The following ZNF366 variants were observed in gnomAD, a reference collection of about 807,000 sequenced individuals.
ZNF366 encodes the protein dendritic cell-specific transcript protein.
A neutral mutation model predicts 47.2 loss-of-function variants in ZNF366; 20 were observed. That is an observed-to-expected ratio of 0.42 (90% CI 0.30 to 0.62). ZNF366 has a LOEUF of 0.62. Among genes scored for constraint, ZNF366 ranks in the 20% least tolerant of loss-of-function variants. The pLI is 0.16. For missense variants in ZNF366, 987 were observed against 976.3 expected (o/e 1.01, Z -0.15); for synonymous variants, 421 against 395.1 (o/e 1.07, Z -0.78).
chr5:72,447,807 G>A (rs941073722), intron 3 of ZNF366, among the ~76,000 whole-genome samples: 2 of 152,156 alleles, frequency 1.3e-5, no homozygotes, highest in African/African-American at 4.8e-5. Context: ...ATTGTTCTAA[G>A]TCTACCATGG....
intron 1 of ZNF366, among the ~76,000 whole-genome samples, chr5:72,495,238 A>G (rs1744089272): frequency 6.6e-6 from 1 of 152,156 alleles, no homozygotes; most frequent in African/African-American, 2.4e-5. Flanking sequence ...TCCTGGTCCC[A>G]TGAGTAGGGG....
intron 4 of ZNF366, among the ~76,000 whole-genome samples, 173 bp from the exon 5 acceptor site, chr5:72,444,464 G>A (rs1299450639): frequency 6.6e-6 from 1 of 152,136 alleles, no homozygotes; most frequent in Non-Finnish European, 1.5e-5. Context: ...TGTCCAAATC[G>A]GTTTAATCCC....
At position 72,473,421 on chromosome 5, in the gene ZNF366, CAA is replaced by C. The variant is rs535366858; in HGVS notation, c.-14-11913_-14-11912del. 6.6e-5 allele frequency among the ~76,000 whole-genome samples: 10 copies of C among 152,312 alleles called. No individual in the cohort carries two copies. In the South Asian group the frequency reaches 1.9e-3, roughly 28 times the overall value. ...CACAATCCTTATCTGATATATAGAG[CAA>C]ATCAAATGTCAATTCCTCTACCTGA... On this transcript the variant is annotated intron_variant, in intron 1 of 4. Transcript: ENST00000318442.
At chr5:72,484,292 G>A (rs1312438250) in intron 1 of ZNF366, among the ~76,000 whole-genome samples, 1 of 151,422 alleles carries the variant, frequency 6.6e-6, no homozygotes, top group African/African-American at 2.4e-5. Flanking sequence ...AGACCATCCC[G>A]GCTAAAACGG....
Position 72,440,243 on chromosome 5 carries a change from C to T in ZNF366, c.*3513G>A, listed in dbSNP as rs767373401. On this transcript the variant is annotated 3_prime_UTR_variant, in exon 5 of 5. Coordinates refer to ENST00000318442, the MANE Select transcript of ZNF366 (RefSeq NM_152625.3). Reference sequence around the variant, plus strand: ...CACATTGAGCTTTCTCATGCAACTACTCATATACAAATATACCAGTTACTC... The same window carrying T: ...CACATTGAGCTTTCTCATGCAACTATTCATATACAAATATACCAGTTACTC... The T allele has an allele frequency of 1.3e-4, 20 of 152,184 alleles. No individual in the cohort carries two copies. Among genetic ancestry groups the T allele is most frequent in the Admixed American group, 3.3e-4 (5 of 15,282 alleles). 9.4% of individuals were successfully genotyped at this position (152,184 alleles called of 1,614,324 possible).
intron 1 of ZNF366, among the ~76,000 whole-genome samples, chr5:72,479,835 G>A (rs1234299829): frequency 2.0e-5 from 3 of 152,226 alleles, no homozygotes; most frequent in Non-Finnish European, 4.4e-5. Flanking sequence ...CAGCTTAGAT[G>A]ACTGGAAGGT....
intron 1 of ZNF366, among the ~76,000 whole-genome samples, chr5:72,501,074 AGAT>A (rs771368021): frequency 7.9e-5 from 12 of 152,218 alleles, no homozygotes; most frequent in Non-Finnish European, 1.5e-4. Context: ...TTCAGCTCTA[AGAT>A]GAGGAGAATA....
intron 2 of ZNF366, among the ~76,000 whole-genome samples, chr5:72,456,822 T>C (rs1223057230): frequency 6.6e-6 from 1 of 152,168 alleles, no homozygotes; most frequent in Non-Finnish European, 1.5e-5. Flanking sequence ...AGCCAGACTA[T>C]TAGAGGAAAA....
At chr5:72,461,743 T>G (rs368448333) in intron 1 of ZNF366, among the ~76,000 whole-genome samples, 1 of 152,138 alleles carries the variant, frequency 6.6e-6, no homozygotes, top group Admixed American at 6.5e-5. Context: ...CTGAATCAAA[T>G]TGGGCTCCAG....
chr5:72,490,830 C>T (rs1014442912), intron 1 of ZNF366, among the ~76,000 whole-genome samples: 2 of 152,184 alleles, frequency 1.3e-5, no homozygotes, highest in Non-Finnish European at 2.9e-5. Flanking sequence ...TTGAGAACTA[C>T]TGAACTTGAG....
At chr5:72,459,721 T>G (rs1034003484) in intron 2 of ZNF366, among the ~76,000 whole-genome samples, 1 of 152,174 alleles carries the variant, frequency 6.6e-6, no homozygotes, top group Non-Finnish European at 1.5e-5. Context: ...CAAAAAGTTT[T>G]CCACTGCTTC....
At chr5:72,495,328 C>T (rs77789504) in intron 1 of ZNF366, among the ~76,000 whole-genome samples, 1 of 151,966 alleles carries the variant, frequency 6.6e-6, no homozygotes, top group Non-Finnish European at 1.5e-5. Flanking sequence ...TAATTCCTAC[C>T]CAAAGAGGGG....
chr5:72,455,313 G>A (rs1468460991), intron 3 of ZNF366, among the ~76,000 whole-genome samples: 5 of 152,132 alleles, frequency 3.3e-5, no homozygotes, highest in Admixed American at 3.3e-4. Context: ...GGGCCACACT[G>A]CAGAGGTATT....
intron 1 of ZNF366, among the ~76,000 whole-genome samples, chr5:72,503,207 C>T (rs1744249822): frequency 6.6e-6 from 1 of 152,132 alleles, no homozygotes; most frequent in African/African-American, 2.4e-5. Context: ...GGTTCTAGAA[C>T]ACTGATCATT....
In ZNF366 at chr5:72,474,652, GCACA is replaced by G. The variant is rs60932161; in HGVS notation, c.-14-13146_-14-13143del. On this transcript the variant is annotated intron_variant, in intron 1 of 4. Coordinates refer to ENST00000318442, the MANE Select transcript of ZNF366 (RefSeq NM_152625.3). ...TTCTTTGTCTCAAATGTACACCCAT[GCACA>G]CACACACACACACACACACAGACAC... is the stretch of plus-strand genomic sequence containing the variant. Among the ~76,000 whole-genome samples the G allele has an allele frequency of 9.9e-3, 1,459 of 147,110 alleles. 30 individuals carry two copies. The highest frequency in any genetic ancestry group is 0.033 in the African/African-American group (1,324 of 40,340).
chr5:72,488,432 G>C (rs1743938391), intron 1 of ZNF366, among the ~76,000 whole-genome samples: 1 of 152,144 alleles, frequency 6.6e-6, no homozygotes, highest in Admixed American at 6.5e-5. Flanking sequence ...ACATCCAACA[G>C]GCAGCAGCCT....
intron 3 of ZNF366, among the ~76,000 whole-genome samples, chr5:72,452,051 C>T (rs1034390563): frequency 6.6e-6 from 1 of 152,228 alleles, no homozygotes; most frequent in African/African-American, 2.4e-5. Flanking sequence ...GGGCCAGAAG[C>T]AGCACACCGC....
At chr5:72,479,095 A>T (rs1490931448) in intron 1 of ZNF366, among the ~76,000 whole-genome samples, 9 of 152,260 alleles carry the variant, frequency 5.9e-5, no homozygotes, top group Admixed American at 3.3e-4. Context: ...GCTCTTGCCC[A>T]TTTGTTTCAA....
intron 1 of ZNF366, among the ~76,000 whole-genome samples, chr5:72,488,122 C>T (rs1284210362): frequency 4.0e-5 from 6 of 151,798 alleles, no homozygotes; most frequent in East Asian, 1.9e-4. Flanking sequence ...GGGAGAGAAT[C>T]GCCTGAACCC....
Sources: gnomAD v4.1 joint callset for allele counts (sites outside exome capture counted in the v4.1 genomes callset) on GRCh38, gnomAD v4.1.1 for gene constraint, MANE v1.5 for transcripts, NCBI Gene and HGNC (gene_info 2026-07-23, HGNC 2026-07-21) for gene names.